LUC7L2: variants seen among roughly 807,000 people sequenced by gnomAD.
LUC7L2 encodes the protein putative RNA-binding protein Luc7-like 2.
A neutral mutation model predicts 52.8 loss-of-function variants in LUC7L2; 25 were observed. That is an observed-to-expected ratio of 0.47 (90% confidence interval 0.34 to 0.66). The LOEUF (loss-of-function observed/expected upper bound fraction) is 0.66. Ranked by LOEUF, LUC7L2 falls within the 30% of genes least tolerant of loss-of-function variation. LUC7L2 has a pLI of 0.01. For synonymous variants in LUC7L2, 144 were observed against 160.9 expected, an observed-to-expected ratio of 0.89 and a Z score of 0.80; for missense variants, 328 against 497.8, an observed-to-expected ratio of 0.66 and a Z score of 3.25.
chr7:139,359,591 C>T (rs1337480541), upstream of LUC7L2: 4 of 387,646 alleles, frequency 1.0e-5, no homozygotes, highest in African/African-American at 4.1e-5. Context: ...TAACCTCTAG[C>T]GCATTTTGCT....
intron 4 of LUC7L2, among the ~76,000 whole-genome samples, chr7:139,403,838 G>A (rs575644155): frequency 6.6e-6 from 1 of 152,340 alleles, no homozygotes; most frequent in Admixed American, 6.5e-5. Flanking sequence ...CAGCAGGCTA[G>A]CCTGGCCGTG....
intron 7 of LUC7L2, among the ~76,000 whole-genome samples, chr7:139,411,802 T>G (rs1030762894): frequency 1.3e-5 from 2 of 152,172 alleles, no homozygotes; most frequent in Non-Finnish European, 2.9e-5. Context: ...AGTATGAGGT[T>G]GTAGCTCCAA....
At chr7:139,376,452 ATAATT>A (rs931205906) in intron 2 of LUC7L2, among the ~76,000 whole-genome samples, 3 of 152,032 alleles carry the variant, frequency 2.0e-5, no homozygotes, top group African/African-American at 7.3e-5. Context: ...CAGAAATAAA[ATAATT>A]TATTTTTAAA....
chr7:139,376,126 C>G lies in LUC7L2; in HGVS notation c.126C>G (p.Asn42Lys). The G allele has an allele frequency of 6.2e-7, 1 of 1,613,854 alleles. No homozygotes were observed. The highest frequency in any genetic ancestry group is 8.5e-7 in the Non-Finnish European group (1 of 1,179,908). ...GAGTATGCAAGAGTCACCTTCTCAA[C>G]TGTTGTCCTCATGATGTCCTTTCTG... ...DDRVCKSHLL[N>K]CCPHDVLSGT... Residue 42 changes from asparagine (N) to lysine (K), a missense_variant, in exon 2 of 10, where the codon AAC (asparagine) becomes AAG (lysine). Around this residue, in one of 2 missense-constraint regions of LUC7L2, gnomAD observed 133 missense variants for 274.4 expected, o/e 0.48. Coordinates refer to ENST00000354926, the MANE Select transcript of LUC7L2 (RefSeq NM_016019.5).
chr7:139,405,886 C>A, intron 5 of LUC7L2, 99 bp downstream of exon 5: 1 of 1,383,088 alleles, frequency 7.2e-7, no homozygotes, highest in Non-Finnish European at 9.5e-7. Context: ...TCTCTAAGAA[C>A]ATGTATTTGA....
intron 3 of LUC7L2, among the ~76,000 whole-genome samples, chr7:139,401,081 T>G (rs1031315073): frequency 6.6e-6 from 1 of 152,222 alleles, no homozygotes; most frequent in Admixed American, 6.5e-5. Context: ...GAACTATTAA[T>G]TGTAGACATT....
chr7:139,417,231 G>C (rs763760910), intron 8 of LUC7L2: 2 of 247,332 alleles, frequency 8.1e-6, no homozygotes, highest in Non-Finnish European at 1.6e-5. Context: ...TATAGAGACA[G>C]AGTTTCGCCA....
Position 139,417,352 on chromosome 7 carries a change from A to AT in LUC7L2, c.810-185dup, listed in dbSNP as rs1328558184. 7.9e-6 allele frequency: 6 copies of AT among 762,236 alleles called. No homozygotes were observed. The East Asian group carries it at 1.7e-4, about 22-fold the overall frequency. The allele number at this position is 762,236 out of a possible 1,614,324, so 47.2% of individuals were successfully genotyped here. A position where few individuals can be genotyped will look rare whatever the true frequency, so the allele number is the denominator to read the frequency against. On this transcript the variant is annotated intron_variant, in intron 8 of 9. Transcript: ENST00000354926. ...CACGGCGCCTGGCTGAGAATTATTA[A>AT]TGTTTTATTTTGAATTCTAGTATGT...
intron 5 of LUC7L2, among the ~76,000 whole-genome samples, 160 bp from the exon 6 acceptor site, chr7:139,407,014 T>TTTTC (rs1322822085): frequency 4.2e-4 from 62 of 148,386 alleles, no homozygotes; most frequent in African/African-American, 1.5e-3. Flanking sequence ...TTTTTTTTTT[T>TTTTC]TTTTTTTTGA....
chr7:139,391,156 C>T (rs989353877), intron 2 of LUC7L2, among the ~76,000 whole-genome samples: 5 of 152,296 alleles, frequency 3.3e-5, no homozygotes, highest in African/African-American at 9.6e-5. Flanking sequence ...TTAATATATT[C>T]ATAGTCTTTG....
At chr7:139,374,669 T>G in intron 1 of LUC7L2, 1 of 1,325,474 alleles carries the variant, frequency 7.5e-7, no homozygotes. Flanking sequence ...GCTCTGAAGC[T>G]ATCATTTTAA....
chr7:139,412,435 G>A (rs879439542), intron 7 of LUC7L2, 116 bp from the exon 8 acceptor site: 19 of 1,284,948 alleles, frequency 1.5e-5, no homozygotes, highest in South Asian at 3.1e-5. Flanking sequence ...GTAGGTACAC[G>A]CCTTGTATTT....
At chr7:139,350,191 T>A (rs368673381) in intron 1 of LUC7L2, among the ~76,000 whole-genome samples, 46 of 151,970 alleles carry the variant, frequency 3.0e-4, no homozygotes, top group South Asian at 8.3e-4. Context: ...GCGCGATCTC[T>A]GCTCACTGCA....
intron 2 of LUC7L2, among the ~76,000 whole-genome samples, chr7:139,382,113 A>G (rs1360004060): frequency 1.3e-5 from 2 of 151,474 alleles, no homozygotes; most frequent in East Asian, 2.0e-4. Flanking sequence ...GGTGGTCTCA[A>G]TCTCCTGACC....
intron 2 of LUC7L2, among the ~76,000 whole-genome samples, chr7:139,388,320 G>A (rs1794295340): frequency 6.6e-6 from 1 of 151,956 alleles, no homozygotes; most frequent in African/African-American, 2.4e-5. Flanking sequence ...TTACAAAAAG[G>A]TAGAAAAATA....
At chr7:139,420,819 G>C (rs996471155) in intron 9 of LUC7L2, among the ~76,000 whole-genome samples, 3 of 151,722 alleles carry the variant, frequency 2.0e-5, no homozygotes, top group Non-Finnish European at 4.4e-5. Flanking sequence ...TTGTTGTTGA[G>C]ATGGAGTCTT....
chr7:139,382,791 G>A (rs1801104218), intron 2 of LUC7L2, among the ~76,000 whole-genome samples: 1 of 152,200 alleles, frequency 6.6e-6, no homozygotes, highest in Non-Finnish European at 1.5e-5. Context: ...TGCCCCAGTA[G>A]GTTCCGGGTT....
intron 9 of LUC7L2, among the ~76,000 whole-genome samples, chr7:139,420,490 ACCACGTC>A (rs1365746408): frequency 6.6e-6 from 1 of 152,342 alleles, no homozygotes; most frequent in East Asian, 1.9e-4. Context: ...GGCATGAGCC[ACCACGTC>A]CCACCTTGGC....
intron 2 of LUC7L2, among the ~76,000 whole-genome samples, chr7:139,388,213 T>A (rs1229623277): frequency 2.0e-5 from 3 of 152,214 alleles, no homozygotes; most frequent in African/African-American, 7.2e-5. Context: ...CCATAGTCTT[T>A]GTGTGATAAG....
Sources: allele counts gnomAD v4.1 joint callset (sites outside exome capture counted in the v4.1 genomes callset), GRCh38; gene constraint gnomAD v4.1.1; regional missense constraint gnomAD v4.1.1; transcripts MANE v1.5; gene names NCBI Gene and HGNC (gene_info 2026-07-23, HGNC 2026-07-21).